Variants in IQGAP2 observed in about 807,000 individuals in gnomAD.
IQGAP2 encodes ras GTPase-activating-like protein IQGAP2.
IQGAP2 carries 173 observed loss-of-function variants against 201.3 expected under a neutral mutation model. The ratio of observed to expected loss-of-function variants is 0.86; its 90% CI spans 0.76 to 0.98. The LOEUF is 0.98. IQGAP2 is among the 50% of genes least tolerant of loss of function. The probability of loss-of-function intolerance (pLI) is 0.00; values close to 1 mark genes in which losing one functional copy is unlikely to be tolerated. For missense variants in IQGAP2, 1,687 were observed against 1,864.8 expected (o/e 0.90, Z 1.76); for synonymous variants, 675 against 673.9 (o/e 1.00, Z -0.03).
chr5:76,668,969 CAA>C (rs1168381500), intron 23 of IQGAP2, 125 bp downstream of exon 23: 1 of 577,770 alleles, frequency 1.7e-6, no homozygotes, highest in Non-Finnish European at 2.8e-6. Flanking sequence ...TAAAATATAT[CAA>C]GTTTCTTGAG....
intron 2 of IQGAP2, among the ~76,000 whole-genome samples, chr5:76,517,884 A>G (rs909262677): frequency 4.6e-5 from 7 of 152,284 alleles, no homozygotes; most frequent in Admixed American, 4.6e-4. Context: ...AGGGGACTGT[A>G]TTAGTCCATT....
At chr5:76,507,059 C>G (rs774550507) in intron 2 of IQGAP2, among the ~76,000 whole-genome samples, 4 of 152,132 alleles carry the variant, frequency 2.6e-5, no homozygotes, top group Non-Finnish European at 5.9e-5. Context: ...ATAGCCAATA[C>G]AATATTGAAG....
intron 32 of IQGAP2, 119 bp from the exon 33 acceptor site, chr5:76,697,868 G>A (rs1327337123): frequency 1.5e-6 from 1 of 680,556 alleles, no homozygotes; most frequent in Non-Finnish European, 2.4e-6. Context: ...CCTGAGATAA[G>A]CTACAAGTCA....
intron 28 of IQGAP2, among the ~76,000 whole-genome samples, chr5:76,681,964 G>A (rs944363217): frequency 6.6e-6 from 1 of 152,180 alleles, no homozygotes; most frequent in Non-Finnish European, 1.5e-5. Flanking sequence ...TAATTGAAAT[G>A]AGCCAGTCAC....
At position 76,559,034 on chromosome 5, in the gene IQGAP2, G is replaced by A. The variant is rs184801703; in HGVS notation, c.147-3362G>A. 3.5e-3 allele frequency among the ~76,000 whole-genome samples: 538 copies of A among 152,244 alleles called. 4 individuals are homozygous for A. Among genetic ancestry groups the A allele is most frequent in the African/African-American group, 0.012 (501 of 41,550 alleles). On this transcript the variant is annotated intron_variant, in intron 2 of 35. Coordinates refer to ENST00000274364, the MANE Select transcript of IQGAP2 (RefSeq NM_006633.5). ...TCCTGCCTCAGCCTCCCGAGTAGCTGGGACTACAGGCGCCCGCCACCACGA... is the reference window on the plus strand; with the variant it reads ...TCCTGCCTCAGCCTCCCGAGTAGCTAGGACTACAGGCGCCCGCCACCACGA...
intron 5 of IQGAP2, among the ~76,000 whole-genome samples, chr5:76,577,807 C>T (rs573954985): frequency 6.6e-6 from 1 of 152,174 alleles, no homozygotes; most frequent in Non-Finnish European, 1.5e-5. Flanking sequence ...TGGAAATGAA[C>T]TAACATGTCT....
intron 12 of IQGAP2, among the ~76,000 whole-genome samples, chr5:76,609,577 A>G (rs1748093715): frequency 6.6e-6 from 1 of 152,196 alleles, no homozygotes; most frequent in Non-Finnish European, 1.5e-5. Context: ...CTTTACTTGA[A>G]TGTCAAGCTG....
intron 1 of IQGAP2, among the ~76,000 whole-genome samples, chr5:76,425,625 G>A (rs1244803757): frequency 6.6e-6 from 1 of 151,860 alleles, no homozygotes; most frequent in African/African-American, 2.4e-5. Flanking sequence ...AGACTTGTAA[G>A]TATTATAAGC....
At chr5:76,474,945 C>T (rs1755325736) in intron 2 of IQGAP2, among the ~76,000 whole-genome samples, 1 of 152,196 alleles carries the variant, frequency 6.6e-6, no homozygotes. Context: ...CTCCCGACCT[C>T]ATGTGATCCA....
chr5:76,423,262 G>C (rs1751820914), intron 1 of IQGAP2, among the ~76,000 whole-genome samples: 1 of 152,214 alleles, frequency 6.6e-6, no homozygotes, highest in South Asian at 2.1e-4. Flanking sequence ...TGCCAGGGAA[G>C]AAGCTGTGAG....
chr5:76,565,806 C>T (rs965975387), intron 3 of IQGAP2, among the ~76,000 whole-genome samples: 5 of 152,166 alleles, frequency 3.3e-5, no homozygotes, highest in Admixed American at 2.0e-4. Context: ...GAGTGTGATA[C>T]TCTTCCTCTA....
intron 17 of IQGAP2, among the ~76,000 whole-genome samples, chr5:76,651,175 T>G (rs756021818): frequency 5.9e-5 from 9 of 152,206 alleles, no homozygotes; most frequent in Non-Finnish European, 1.2e-4. Context: ...AAAAAAAAGT[T>G]TTGACATTTT....
intron 17 of IQGAP2, among the ~76,000 whole-genome samples, chr5:76,647,062 C>T (rs1752099874): frequency 6.6e-6 from 1 of 151,992 alleles, no homozygotes; most frequent in African/African-American, 2.4e-5. Flanking sequence ...GGAATAGATT[C>T]ACATAGCCTT....
intron 1 of IQGAP2, among the ~76,000 whole-genome samples, chr5:76,458,265 A>G (rs1352150104): frequency 6.6e-6 from 1 of 152,184 alleles, no homozygotes; most frequent in Non-Finnish European, 1.5e-5. Flanking sequence ...GATCATGAGA[A>G]CCACAGAACC....
chr5:76,603,689 A>C (rs1747590038), intron 11 of IQGAP2, among the ~76,000 whole-genome samples: 1 of 152,024 alleles, frequency 6.6e-6, no homozygotes, highest in African/African-American at 2.4e-5. Context: ...TTTTCCTCCT[A>C]ATATTCCTGT....
At chr5:76,465,773 G>A (rs1207487865) in intron 2 of IQGAP2, among the ~76,000 whole-genome samples, 1 of 152,048 alleles carries the variant, frequency 6.6e-6, no homozygotes, top group Non-Finnish European at 1.5e-5. Flanking sequence ...AATTAAGAAA[G>A]CAATTCACTA....
In IQGAP2 at chr5:76,597,640, C is replaced by T. The variant is rs772077967; in HGVS notation, c.1071+38C>T. On this transcript the variant is annotated intron_variant, in intron 10 of 35. Coordinates refer to ENST00000274364, the MANE Select transcript of IQGAP2 (RefSeq NM_006633.5). ...AGACCCCAGCTGTGGGGACGGTAAC[C>T]CTGCGTGCCATGGCGCACTAGGGAA... 8.7e-6 allele frequency: 14 copies of T among 1,607,328 alleles called. No homozygotes were observed. In the East Asian group the frequency reaches 2.5e-4, roughly 28 times the overall value.
At chr5:76,532,524 A>G (rs1391987161) in intron 2 of IQGAP2, among the ~76,000 whole-genome samples, 3 of 152,004 alleles carry the variant, frequency 2.0e-5, no homozygotes, top group Non-Finnish European at 4.4e-5. Flanking sequence ...TTTGCATATG[A>G]TATGGTGGTA....
Position 76,674,639 on chromosome 5 carries a change from CT to C in IQGAP2, c.3458del (p.Leu1153ArgfsTer12), listed in dbSNP as rs1561579311. The C allele has an allele frequency of 6.2e-7, 1 of 1,614,102 alleles. No homozygotes were observed. Among genetic ancestry groups the C allele is most frequent in the East Asian group, 2.2e-5 (1 of 44,872 alleles). On this transcript the variant is annotated frameshift_variant, in exon 27 of 36. Transcript: ENST00000274364. LOFTEE classifies it high-confidence loss of function. ...TCTTCAGCACGCAGCCTCCAACAAG[CT>C]GTTTGAAGGAGAAAATGAGCATCTC... ...KVLQHAASNK[L>X]FEGENEHLSS...
Sources: gnomAD v4.1 joint callset for allele counts (sites outside exome capture counted in the v4.1 genomes callset) on GRCh38, gnomAD v4.1.1 for gene constraint, MANE v1.5 for transcripts, NCBI Gene and HGNC (gene_info 2026-07-23, HGNC 2026-07-21) for gene names.